Variants in EYA1 observed in about 807,000 individuals in gnomAD.
EYA1 encodes EYA transcriptional coactivator and phosphatase 1.
EYA1 carries 16 observed loss-of-function variants against 82.0 expected under a neutral mutation model. The ratio of observed to expected loss-of-function variants is 0.20; its 90% CI spans 0.13 to 0.30. EYA1 has a LOEUF of 0.30. Among genes scored for constraint, EYA1 ranks in the 10% least tolerant of loss-of-function variants. The pLI is 1.00. For missense variants in EYA1, 633 were observed against 730.7 expected (o/e 0.87, Z 1.54); for synonymous variants, 261 against 264.4 (o/e 0.99, Z 0.12).
At chr8:71,429,691 T>C (rs2129159191) in intron 2 of EYA1, among the ~76,000 whole-genome samples, 1 of 152,290 alleles carries the variant, frequency 6.6e-6, no homozygotes, top group African/African-American at 2.4e-5. Flanking sequence ...ACAGAGGTTA[T>C]GAGCCCAGAA....
At chr8:71,328,474 C>T (rs938566849) in intron 4 of EYA1, among the ~76,000 whole-genome samples, 3 of 152,218 alleles carry the variant, frequency 2.0e-5, no homozygotes, top group Non-Finnish European at 2.9e-5. Flanking sequence ...AGATCCTTTA[C>T]AGCTTCAGCC....
At chr8:71,482,757 G>A (rs1393611582) in intron 2 of EYA1, among the ~76,000 whole-genome samples, 1 of 152,152 alleles carries the variant, frequency 6.6e-6, no homozygotes, top group Non-Finnish European at 1.5e-5. Context: ...GCCCAAAGTC[G>A]AGCAAACAAT....
chr8:71,370,999 A>G (rs1828048706), intron 2 of EYA1, among the ~76,000 whole-genome samples: 1 of 152,176 alleles, frequency 6.6e-6, no homozygotes, highest in Admixed American at 6.5e-5. Flanking sequence ...AGATATGAGA[A>G]AGCTGAATCC....
chr8:71,531,077 A>T (rs1325182565), intron 2 of EYA1: 4 of 152,244 alleles, frequency 2.6e-5, no homozygotes, highest in Non-Finnish European at 5.9e-5. Flanking sequence ...TAGTGTTTAT[A>T]ATACCTGATG....
chr8:71,518,078 AT>A (rs1385859021), intron 2 of EYA1, among the ~76,000 whole-genome samples: 1 of 152,110 alleles, frequency 6.6e-6, no homozygotes, highest in African/African-American at 2.4e-5. Flanking sequence ...AAAGGATAGA[AT>A]TACAAATTAG....
At chr8:71,536,818 G>T (rs1444857599) in intron 1 of EYA1, among the ~76,000 whole-genome samples, 1 of 152,136 alleles carries the variant, frequency 6.6e-6, no homozygotes, top group East Asian at 1.9e-4. Flanking sequence ...TATTAGGAAA[G>T]CTACTATAGT....
In EYA1 at chr8:71,215,595, A is replaced by G. The variant is rs1809084914; in HGVS notation, c.1475+19T>C. The G allele has an allele frequency of 6.2e-7, 1 of 1,610,202 alleles. No individual in the cohort carries two copies. The highest frequency in any genetic ancestry group is 8.5e-7 in the Non-Finnish European group (1 of 1,176,596). Reference sequence around the variant, plus strand: ...GAGCATTGCCCATTTCCTGGCAAAGACCCCGCAGAGAGCCTCACCGGGAGT... The same window carrying G: ...GAGCATTGCCCATTTCCTGGCAAAGGCCCCGCAGAGAGCCTCACCGGGAGT... On this transcript the variant is annotated intron_variant, in intron 15 of 17. Transcript: ENST00000340726.
intron 12 of EYA1, among the ~76,000 whole-genome samples, chr8:71,218,592 A>C (rs961019408): frequency 1.3e-5 from 2 of 151,508 alleles, no homozygotes; most frequent in Non-Finnish European, 3.0e-5. Flanking sequence ...AAGGAAAAGC[A>C]AGTCTAGGAG....
chr8:71,465,291 A>T (rs908030278), intron 2 of EYA1, among the ~76,000 whole-genome samples: 1 of 152,194 alleles, frequency 6.6e-6, no homozygotes, highest in African/African-American at 2.4e-5. Flanking sequence ...AACGCAAACA[A>T]GATTTGTAAC....
chr8:71,265,285 G>A (rs954774537), intron 11 of EYA1, among the ~76,000 whole-genome samples: 4 of 151,780 alleles, frequency 2.6e-5, no homozygotes, highest in Admixed American at 6.6e-5. Flanking sequence ...AACCTCTCCC[G>A]TTTCAATTTT....
At chr8:71,479,709 T>TATAG (rs35984767) in intron 2 of EYA1, among the ~76,000 whole-genome samples, 68,049 of 149,952 alleles carry the variant, frequency 0.45, 15,505 homozygotes, top group South Asian at 0.49. Flanking sequence ...TATAATTCTA[T>TATAG]GGCCCAAGCA....
chr8:71,442,712 C>G (rs1806520162), intron 2 of EYA1, among the ~76,000 whole-genome samples: 1 of 152,160 alleles, frequency 6.6e-6, no homozygotes, highest in Non-Finnish European at 1.5e-5. Context: ...TATAATACCA[C>G]TATGTGTTGA....
intron 3 of EYA1, among the ~76,000 whole-genome samples, chr8:71,341,325 G>C (rs1276201249): frequency 6.6e-6 from 1 of 152,082 alleles, no homozygotes; most frequent in Admixed American, 6.6e-5. Context: ...GTTATGTTAC[G>C]GGTTGGATTC....
At chr8:71,322,623 A>G (rs1469010095) in intron 4 of EYA1, among the ~76,000 whole-genome samples, 1 of 152,170 alleles carries the variant, frequency 6.6e-6, no homozygotes, top group African/African-American at 2.4e-5. Context: ...AAGGGGAGGT[A>G]TGAAGCTGAA....
At chr8:71,283,457 G>A (rs1382305186) in intron 9 of EYA1, among the ~76,000 whole-genome samples, 1 of 152,030 alleles carries the variant, frequency 6.6e-6, no homozygotes, top group East Asian at 1.9e-4. Context: ...GACGGCAGAG[G>A]CTTGATTTTT....
chr8:71,321,950 C>T (rs1020106204), intron 5 of EYA1, 71 bp from the exon 6 acceptor site: 1 of 1,585,224 alleles, frequency 6.3e-7, no homozygotes, highest in Non-Finnish European at 8.7e-7. Flanking sequence ...GATTAACAAC[C>T]ACATCACAAA....
chr8:71,454,383 A>G (rs1260960649), intron 2 of EYA1, among the ~76,000 whole-genome samples: 2 of 152,216 alleles, frequency 1.3e-5, no homozygotes. Flanking sequence ...GTTAACAAGG[A>G]TATCCAGGAA....
chr8:71,239,454 T>A (rs1017657725), intron 12 of EYA1, among the ~76,000 whole-genome samples: 2 of 152,184 alleles, frequency 1.3e-5, no homozygotes, highest in Non-Finnish European at 2.9e-5. Context: ...ATGGTCAACA[T>A]ATATAAGGCA....
intron 1 of EYA1, among the ~76,000 whole-genome samples, chr8:71,542,982 AT>A (rs1458282634): frequency 1.3e-5 from 2 of 151,966 alleles, no homozygotes; most frequent in South Asian, 2.1e-4. Context: ...GTTTGCAGAC[AT>A]TTTTTTCCCA....
Sources: allele counts gnomAD v4.1 joint callset (sites outside exome capture counted in the v4.1 genomes callset), GRCh38; gene constraint gnomAD v4.1.1; transcripts MANE v1.5; gene names NCBI Gene and HGNC (gene_info 2026-07-23, HGNC 2026-07-21).